Variants in POSTN observed in about 807,000 individuals in gnomAD.
POSTN encodes osteoblast specific factor 2 (fasciclin I-like).
In POSTN, 71 loss-of-function variants were observed where a neutral mutation model predicts 104.5. The ratio of observed to expected loss-of-function variants is 0.68; its 90% CI spans 0.56 to 0.83. POSTN has a LOEUF of 0.83. POSTN is among the 40% of genes least tolerant of loss of function. The pLI, the probability that POSTN is intolerant of heterozygous loss-of-function variation, is 0.00. For missense variants in POSTN, 949 were observed against 1,006.8 expected (o/e 0.94, Z 0.78); for synonymous variants, 355 against 340.7 (o/e 1.04, Z -0.46).
intron 15 of POSTN, 80 bp from the exon 16 acceptor site, chr13:37,577,878 T>C (rs989429978): frequency 6.7e-5 from 105 of 1,577,720 alleles, no homozygotes; most frequent in Non-Finnish European, 8.5e-5. Context: ...TTAATTCTTA[T>C]TAAAGTAAAA....
At position 37,584,066 on chromosome 13, in the gene POSTN, G is replaced by A. The variant is rs200581619; in HGVS notation, c.1146C>T (p.Thr382=). ...QVIELAGKQQ[T]TFTDLVAQLG... is the part of the protein sequence containing the mutation. ...ATTGGGCCACAAGATCCGTGAAGGT[G>A]GTTTGCTGTTTTCCAGCCAGCTCAA... Residue 382 remains threonine (T), a synonymous_variant, in exon 9 of 23, where the codon ACC becomes ACT. Transcript: ENST00000379747. 14 of 1,613,844 alleles carry A rather than the reference G, an allele frequency of 8.7e-6. No individual in the cohort carries two copies. Among genetic ancestry groups the A allele is most frequent in the Admixed American group, 6.7e-5 (4 of 59,974 alleles).
At chr13:37,586,062 T>C in intron 7 of POSTN, 77 bp downstream of exon 7, 2 of 1,342,212 alleles carry the variant, frequency 1.5e-6, no homozygotes, top group Non-Finnish European at 2.0e-6. Context: ...ACTAATATTA[T>C]TGGTAAGGAC....
At chr13:37,581,900 AT>A (rs1375608122) in intron 10 of POSTN, among the ~76,000 whole-genome samples, 1 of 152,220 alleles carries the variant, frequency 6.6e-6, no homozygotes, top group Admixed American at 6.5e-5. Flanking sequence ...AATGAAAAAC[AT>A]TTTAGTAGAG....
In POSTN at chr13:37,598,696, G is replaced by C; in HGVS notation, c.31C>G (p.Leu11Val). The change falls in exon 1 of 23, where the codon CTA becomes GTA. Residue 11 changes from leucine to valine, a missense_variant. Physicochemically the swap from Leu to Val is conservative, Grantham distance 32 (BLOSUM62 1). Coordinates refer to ENST00000379747, the MANE Select transcript of POSTN (RefSeq NM_006475.3). ...ATAGGGTTAACAATAAGCAGCAATA[G>C]TAGAGAAAACATGGGTAAAAAGGGA... MIPFLPMFSL[L>V]LLLIVNPINA... The C allele has an allele frequency of 2.5e-6, 4 of 1,613,288 alleles. No homozygotes were observed. Among genetic ancestry groups the C allele is most frequent in the Non-Finnish European group, 3.4e-6 (4 of 1,179,378 alleles).
chr13:37,571,051 G>T (rs1950248989), intron 18 of POSTN: 1 of 291,950 alleles, frequency 3.4e-6, no homozygotes. Context: ...TTTTCCTACT[G>T]TTTCTAATAT....
chr13:37,589,536 C>T (rs187316157), intron 4 of POSTN, among the ~76,000 whole-genome samples: 24 of 151,986 alleles, frequency 1.6e-4, no homozygotes, highest in African/African-American at 4.8e-4. Context: ...GTGTGATATT[C>T]CCCTTGCTGT....
At chr13:37,578,447 A>T (rs75428889) in intron 15 of POSTN, among the ~76,000 whole-genome samples, 6,715 of 152,222 alleles carry the variant, frequency 0.044, 484 homozygotes, top group African/African-American at 0.15. Flanking sequence ...TAATGCGTAC[A>T]TTTCTAGCCT....
At chr13:37,579,814 A>G in intron 12 of POSTN, 47 bp downstream of exon 12, 1 of 1,582,042 alleles carries the variant, frequency 6.3e-7, no homozygotes, top group Non-Finnish European at 8.6e-7. Flanking sequence ...GAAAGAAGTG[A>G]GATCCTGAAA....
intron 4 of POSTN, 79 bp from the exon 5 acceptor site, chr13:37,588,065 C>G (rs1204932364): frequency 3.5e-6 from 4 of 1,148,008 alleles, no homozygotes; most frequent in East Asian, 2.5e-5. Context: ...TATTTCTACT[C>G]TCTTGCTATT....
intron 1 of POSTN, 73 bp downstream of exon 1, chr13:37,598,535 T>G: frequency 7.1e-7 from 1 of 1,417,618 alleles, no homozygotes; most frequent in Non-Finnish European, 9.7e-7. Flanking sequence ...TATGAGAAAC[T>G]TTATGCATAC....
intron 18 of POSTN, chr13:37,571,164 A>C: frequency 2.2e-6 from 1 of 458,464 alleles, no homozygotes; most frequent in Non-Finnish European, 3.9e-6. Flanking sequence ...TAATAGATAA[A>C]TTAATTCCAA....
chr13:37,569,605 T>C (rs1377202457), intron 20 of POSTN, 139 bp downstream of exon 20: 1 of 850,524 alleles, frequency 1.2e-6, no homozygotes, highest in African/African-American at 1.7e-5. Flanking sequence ...CTTAATTCCT[T>C]ATTCTTGTGC....
intron 1 of POSTN, among the ~76,000 whole-genome samples, 176 bp from the exon 2 acceptor site, chr13:37,597,458 G>T (rs758840042): frequency 1.2e-4 from 18 of 152,132 alleles, no homozygotes; most frequent in African/African-American, 3.9e-4. Flanking sequence ...TTGAAAAACC[G>T]AAAGTCTACA....
In POSTN at chr13:37,579,343, A is replaced by T; in HGVS notation, c.1677T>A (p.Leu559=). 6.3e-7 allele frequency: 1 copy of T among 1,587,490 alleles called. No individual in the cohort carries two copies. Among genetic ancestry groups the T allele is most frequent in the Middle Eastern group, 1.7e-4 (1 of 5,912 alleles). ...KEILIRDKNA[L]QNIILYHLTP... Reference sequence around the variant, plus strand: ...TCAGGTGATAAAGAATGATGTTTTGAAGAGCATTTTTGTCCCCTAGGGGAA... The same window carrying T: ...TCAGGTGATAAAGAATGATGTTTTGTAGAGCATTTTTGTCCCCTAGGGGAA... Residue 559 remains leucine, a synonymous_variant, in exon 13 of 23, where the codon CTT becomes CTA. Transcript: ENST00000379747.
At chr13:37,575,277 C>G in intron 16 of POSTN, among the ~76,000 whole-genome samples, 1 of 150,744 alleles carries the variant, frequency 6.6e-6, no homozygotes, top group Non-Finnish European at 1.5e-5. Flanking sequence ...TTATCACTAT[C>G]CTTTTTTTTT....
chr13:37,584,251 T>G (rs1415153210), intron 8 of POSTN, 148 bp from the exon 9 acceptor site: 1 of 997,112 alleles, frequency 1.0e-6, no homozygotes, highest in Non-Finnish European at 1.4e-6. Flanking sequence ...TCCTCCCTAA[T>G]AAGAGAGTTC....
At chr13:37,579,466 C>T (rs965592566) in intron 12 of POSTN, 107 bp from the exon 13 acceptor site, 4 of 918,250 alleles carry the variant, frequency 4.4e-6, no homozygotes, top group African/African-American at 3.3e-5. Flanking sequence ...TGTACTTTCT[C>T]ATAATATCAT....
chr13:37,567,373 GA>G (rs34367215), intron 21 of POSTN, among the ~76,000 whole-genome samples: 6,645 of 143,926 alleles, frequency 0.046, 478 homozygotes, highest in African/African-American at 0.16. Flanking sequence ...CCAGACCTTG[GA>G]AAAAAAAAAA....
chr13:37,597,845 G>A (rs1371896627), intron 1 of POSTN, among the ~76,000 whole-genome samples: 2 of 152,158 alleles, frequency 1.3e-5, no homozygotes, highest in Non-Finnish European at 2.9e-5. Flanking sequence ...GGAAGTAACA[G>A]ATCAGAACAT....
Sources: gnomAD v4.1 joint callset for allele counts (sites outside exome capture counted in the v4.1 genomes callset) on GRCh38, gnomAD v4.1.1 for gene constraint, MANE v1.5 for transcripts, NCBI Gene and HGNC (gene_info 2026-07-23, HGNC 2026-07-21) for gene names.